The following HYDIN variants were observed in gnomAD, a reference collection of about 807,000 sequenced individuals.
HYDIN encodes the protein axonemal central pair apparatus protein HYDIN.
HYDIN carries 132 observed loss-of-function variants against 403.9 expected under a neutral mutation model. That is an observed-to-expected ratio of 0.33 (90% CI 0.28 to 0.38). HYDIN has a LOEUF of 0.38. Ranked by LOEUF, HYDIN falls within the 10% of genes least tolerant of loss-of-function variation. The pLI is 1.00. For missense variants in HYDIN, 2,827 were observed against 5,009.5 expected, an observed-to-expected ratio of 0.56 and a Z score of 13.15; for synonymous variants, 1,202 against 1,891.7, an observed-to-expected ratio of 0.64 and a Z score of 9.46.
At chr16:71,178,555 TG>T (rs1247433696) in intron 4 of HYDIN, among the ~76,000 whole-genome samples, 1 of 151,328 alleles carries the variant, frequency 6.6e-6, no homozygotes, top group African/African-American at 2.4e-5. Context: ...TATCTTGAAT[TG>T]GGGAAATGAT....
intron 1 of HYDIN, among the ~76,000 whole-genome samples, chr16:71,191,168 T>C (rs1262870362): frequency 6.6e-6 from 1 of 152,236 alleles, no homozygotes; most frequent in Non-Finnish European, 1.5e-5. Flanking sequence ...CATTAACTAA[T>C]ACTCCTATCA....
intron 67 of HYDIN, among the ~76,000 whole-genome samples, chr16:70,865,806 T>C (rs1433068065): frequency 1.3e-5 from 2 of 152,184 alleles, no homozygotes; most frequent in African/African-American, 2.4e-5. Flanking sequence ...TAAGCTTAGA[T>C]GGATCCTATA....
chr16:70,831,612 C>T (rs1358572044), intron 80 of HYDIN, among the ~76,000 whole-genome samples: 3 of 135,316 alleles, frequency 2.2e-5, no homozygotes, highest in African/African-American at 5.7e-5. Context: ...GAGTGGTGTG[C>T]TGGAGCCAAG....
At chr16:71,215,295 G>C (rs2088822896) in intron 1 of HYDIN, among the ~76,000 whole-genome samples, 1 of 152,072 alleles carries the variant, frequency 6.6e-6, no homozygotes, top group Non-Finnish European at 1.5e-5. Flanking sequence ...GGGAGGGAAA[G>C]AGGAAGGGAG....
At position 70,803,482 on chromosome 16, in the gene HYDIN, C is replaced by G. The variant is rs1459118124; in HGVS notation, c.*4098G>C. 1.3e-5 allele frequency among the ~76,000 whole-genome samples: 2 copies of G among 152,210 alleles called. No individual in the cohort carries two copies. Among genetic ancestry groups the G allele is most frequent in the Admixed American group, 1.3e-4 (2 of 15,280 alleles). ...GATAACTGATGTGCCTGACTGCATA[C>G]TAGTCATTATTTCACAGTTACAATT... On this transcript the variant is annotated 3_prime_UTR_variant, in exon 86 of 86. Transcript: ENST00000393567.
At chr16:71,065,164 T>C (rs2082220786) in intron 15 of HYDIN, among the ~76,000 whole-genome samples, 2 of 152,254 alleles carry the variant, frequency 1.3e-5, no homozygotes, top group African/African-American at 4.8e-5. Flanking sequence ...GTAGTGAATC[T>C]GTTTCCATGC....
chr16:71,096,433 C>G (rs2083280199), intron 10 of HYDIN, among the ~76,000 whole-genome samples: 1 of 152,192 alleles, frequency 6.6e-6, no homozygotes, highest in Non-Finnish European at 1.5e-5. Flanking sequence ...GAGTCATTAT[C>G]TTTTCAAATA....
At chr16:70,954,978 G>A (rs1304710088) in intron 40 of HYDIN, among the ~76,000 whole-genome samples, 1 of 151,964 alleles carries the variant, frequency 6.6e-6, no homozygotes, top group East Asian at 1.9e-4. Flanking sequence ...CCATTTCCTT[G>A]AAAACTTCCC....
At chr16:70,900,651 G>A (rs199557626) in intron 53 of HYDIN, among the ~76,000 whole-genome samples, 5,938 of 148,604 alleles carry the variant, frequency 0.04, 406 homozygotes, top group African/African-American at 0.14. Context: ...ATAGGTGACT[G>A]GGTTTAGGAG....
intron 18 of HYDIN, among the ~76,000 whole-genome samples, chr16:71,049,561 T>A (rs12149415): frequency 6.6e-6 from 1 of 152,092 alleles, no homozygotes; most frequent in Non-Finnish European, 1.5e-5. Context: ...AGAAACATCC[T>A]CCATATCAGA....
At chr16:71,105,181 A>G (rs2083575265) in intron 10 of HYDIN, among the ~76,000 whole-genome samples, 1 of 152,078 alleles carries the variant, frequency 6.6e-6, no homozygotes, top group Admixed American at 6.6e-5. Flanking sequence ...AATACACTGA[A>G]GAGTAGATAT....
At chr16:71,159,732 T>A (rs1260656280) in intron 6 of HYDIN, among the ~76,000 whole-genome samples, 1 of 150,014 alleles carries the variant, frequency 6.7e-6, no homozygotes, top group African/African-American at 2.5e-5. Flanking sequence ...TAGAAAAATG[T>A]AAGTCAAAGG....
At chr16:71,180,979 A>C (rs556352785) in intron 3 of HYDIN, among the ~76,000 whole-genome samples, 3 of 152,188 alleles carry the variant, frequency 2.0e-5, no homozygotes, top group African/African-American at 7.2e-5. Context: ...TAGTATCCTA[A>C]AATGTAAAAC....
chr16:70,965,981 A>G (rs2078561510), intron 36 of HYDIN, among the ~76,000 whole-genome samples: 1 of 152,266 alleles, frequency 6.6e-6, no homozygotes, highest in Admixed American at 6.5e-5. Flanking sequence ...GAACTGTGAT[A>G]AAGCATAGAG....
chr16:71,010,863 G>C (rs1283150047), intron 23 of HYDIN, among the ~76,000 whole-genome samples: 1 of 152,274 alleles, frequency 6.6e-6, no homozygotes, highest in East Asian at 1.9e-4. Flanking sequence ...CCAAGGTCTG[G>C]GCTTATCTGG....
At chr16:71,208,140 A>G (rs868457447) in intron 1 of HYDIN, among the ~76,000 whole-genome samples, 1 of 152,212 alleles carries the variant, frequency 6.6e-6, no homozygotes, top group Non-Finnish European at 1.5e-5. Flanking sequence ...CACATGGTAC[A>G]TATTCTAAAA....
intron 18 of HYDIN, among the ~76,000 whole-genome samples, chr16:71,054,351 T>C (rs2081788770): frequency 7.9e-6 from 1 of 126,652 alleles, no homozygotes; most frequent in Non-Finnish European, 1.9e-5. Context: ...AGAGCTAATC[T>C]ACTCATTGAA....
chr16:70,946,809 A>C (rs1035871130), intron 41 of HYDIN, among the ~76,000 whole-genome samples: 33 of 152,144 alleles, frequency 2.2e-4, no homozygotes, highest in Admixed American at 3.9e-4. Flanking sequence ...GTAGCTGAGG[A>C]GGCCATGAAA....
At chr16:70,818,613 G>C (rs926293305) in intron 83 of HYDIN, 41 bp from the exon 84 acceptor site, 3 of 708,372 alleles carry the variant, frequency 4.2e-6, no homozygotes, top group African/African-American at 1.8e-5. Context: ...GGGAAGAGTA[G>C]GGGTGAGCCG....
Sources: gnomAD v4.1 joint callset for allele counts (sites outside exome capture counted in the v4.1 genomes callset) on GRCh38, gnomAD v4.1.1 for gene constraint, MANE v1.5 for transcripts, NCBI Gene and HGNC (gene_info 2026-07-23, HGNC 2026-07-21) for gene names.